Variants in ITGA2 observed in about 807,000 individuals in gnomAD.
ITGA2 encodes integrin subunit alpha 2.
Under a neutral mutation model 146.3 loss-of-function variants are expected in ITGA2, and 101 were observed. The observed-to-expected ratio is 0.69, with a 90% CI of 0.59 to 0.81. The LOEUF (loss-of-function observed/expected upper bound fraction) is 0.81. Among genes scored for constraint, ITGA2 ranks in the 40% least tolerant of loss-of-function variants. The pLI is 0.00. For missense variants in ITGA2, 1,281 were observed against 1,402.7 expected, an observed-to-expected ratio of 0.91 and a Z score of 1.39; for synonymous variants, 477 against 487.1, an observed-to-expected ratio of 0.98 and a Z score of 0.27.
intron 25 of ITGA2, 112 bp downstream of exon 25, chr5:53,080,733 A>G (rs1745882893): frequency 3.7e-6 from 3 of 801,430 alleles, no homozygotes; most frequent in South Asian, 1.4e-5. Flanking sequence ...GGTAACTCCT[A>G]TGCAGCCTGG....
chr5:53,027,364 T>G (rs1035996136), intron 2 of ITGA2, among the ~76,000 whole-genome samples: 11 of 152,180 alleles, frequency 7.2e-5, no homozygotes, highest in Non-Finnish European at 1.5e-4. Context: ...CTCACAAATA[T>G]CAATGCAAAA....
chr5:53,072,502 C>T, intron 18 of ITGA2, 111 bp from the exon 19 acceptor site: 1 of 734,248 alleles, frequency 1.4e-6, no homozygotes, highest in Non-Finnish European at 2.4e-6. Context: ...ATTCCTAGAA[C>T]ATTGTTTGGT....
rs139704993 is a variant in ITGA2 at position 53,064,828 on chromosome 5, A to T, written c.1603-84A>T. 12,750 of 1,324,492 alleles carry T rather than the reference A, an allele frequency of 9.6e-3. 105 individuals are homozygous for T. The highest frequency in any genetic ancestry group is 0.03 in the East Asian group (1,301 of 43,296). 82.0% of individuals were successfully genotyped at this position (1,324,492 alleles called of 1,614,324 possible). On this transcript the variant is annotated intron_variant, in intron 13 of 29. Coordinates refer to ENST00000296585, the MANE Select transcript of ITGA2 (RefSeq NM_002203.4). ...TGGAGTCTTTGGGATTACAGGCATG[A>T]GCCACCACACCCAGCTGCTCTGAAT...
intron 3 of ITGA2, among the ~76,000 whole-genome samples, chr5:53,044,272 C>G (rs535630877): frequency 7.4e-5 from 2 of 26,946 alleles, no homozygotes; most frequent in East Asian, 1.2e-3. Flanking sequence ...GAGACTCTGT[C>G]TCAAAAAAAA....
chr5:53,041,609 C>CT (rs1465711108), intron 2 of ITGA2, among the ~76,000 whole-genome samples: 1 of 152,126 alleles, frequency 6.6e-6, no homozygotes, highest in Non-Finnish European at 1.5e-5. Context: ...CATGTGACTA[C>CT]TGAGCACTTG....
At chr5:53,045,146 A>G (rs1033899327) in intron 4 of ITGA2, 54 bp downstream of exon 4, 3 of 1,322,642 alleles carry the variant, frequency 2.3e-6, no homozygotes, top group Non-Finnish European at 3.3e-6. Context: ...CATAGACAGT[A>G]GTGTCTTCTC....
chr5:52,993,380 T>G (rs572957746), intron 1 of ITGA2, among the ~76,000 whole-genome samples: 3 of 152,324 alleles, frequency 2.0e-5, no homozygotes, highest in African/African-American at 7.2e-5. Flanking sequence ...GGATTCAGTA[T>G]TTACAATGGC....
intron 1 of ITGA2, among the ~76,000 whole-genome samples, chr5:53,013,234 T>C (rs1742230776): frequency 6.6e-6 from 1 of 152,178 alleles, no homozygotes; most frequent in Admixed American, 6.6e-5. Flanking sequence ...TTTCAGGTTT[T>C]GCATTTAAGT....
Position 53,065,980 on chromosome 5 carries a change from G to A in ITGA2, c.1943+3G>A. On this transcript the variant is annotated splice_donor_region_variant and intron_variant, in intron 15 of 29. Coordinates refer to ENST00000296585, the MANE Select transcript of ITGA2 (RefSeq NM_002203.4). Reference sequence around the variant, plus strand: ...TTTGGACAAGTGGTTCAACTCTGGTGAGTCAGGAAGAGCCAGACACAAACT... The same window carrying A: ...TTTGGACAAGTGGTTCAACTCTGGTAAGTCAGGAAGAGCCAGACACAAACT... The A allele has an allele frequency of 6.2e-7, 1 of 1,611,636 alleles. No homozygotes were observed.
At chr5:53,069,226 A>T (rs974445605) in intron 16 of ITGA2, among the ~76,000 whole-genome samples, 1 of 151,918 alleles carries the variant, frequency 6.6e-6, no homozygotes, top group Non-Finnish European at 1.5e-5. Flanking sequence ...ACACACGGCC[A>T]GTGGACTTTA....
chr5:53,020,705 G>A (rs1742634688), intron 1 of ITGA2, among the ~76,000 whole-genome samples: 1 of 150,428 alleles, frequency 6.6e-6, no homozygotes, highest in Non-Finnish European at 1.5e-5. Flanking sequence ...TTGGTGAGGT[G>A]GAGTTTCACT....
chr5:53,064,888 A>G, intron 13 of ITGA2, 24 bp from the exon 14 acceptor site: 1 of 1,607,498 alleles, frequency 6.2e-7, no homozygotes, highest in Non-Finnish European at 8.5e-7. Flanking sequence ...TGCTTTAATC[A>G]TCCTTTTGTT....
chr5:53,070,912 T>A (rs1745361887), intron 17 of ITGA2, among the ~76,000 whole-genome samples: 1 of 151,940 alleles, frequency 6.6e-6, no homozygotes, highest in Non-Finnish European at 1.5e-5. Flanking sequence ...GATATTTAAG[T>A]ACTTTCTTAG....
intron 1 of ITGA2, among the ~76,000 whole-genome samples, chr5:53,018,790 C>T (rs948855113): frequency 3.9e-5 from 6 of 152,214 alleles, no homozygotes; most frequent in East Asian, 1.9e-4. Flanking sequence ...AGGCTGGGCA[C>T]GGTGGCTCAC....
chr5:53,042,194 G>A lies in ITGA2; in HGVS notation c.268G>A (p.Ala90Thr), dbSNP rs200476815. Residue 90 changes from alanine (A) to threonine (T), a missense_variant, in exon 3 of 30, where the codon GCC (alanine) becomes ACC (threonine). Ala to Thr is a moderately conservative substitution (Grantham distance 58, BLOSUM62 0). Around this residue, in one of 3 missense-constraint regions of ITGA2, gnomAD observed 795 missense variants for 841.7 expected, o/e 0.94. Coordinates refer to ENST00000296585, the MANE Select transcript of ITGA2 (RefSeq NM_002203.4). The stretch of plus-strand genomic sequence containing the variant: ...TAAATGTCCTGTTGACCTATCCACT[G>A]CCACATGTGAAAAACTAAATTTGCA... ...VYKCPVDLST[A>T]TCEKLNLQTS... The A allele has an allele frequency of 9.1e-4, 1,475 of 1,612,270 alleles. 15 individuals are homozygous for A. In the South Asian group the frequency reaches 0.015, roughly 17 times the overall value.
chr5:53,053,184 C>T (rs555780061), intron 7 of ITGA2, among the ~76,000 whole-genome samples: 1 of 152,274 alleles, frequency 6.6e-6, no homozygotes, highest in African/African-American at 2.4e-5. Flanking sequence ...TTCTGCATTT[C>T]CCATTTTATC....
At chr5:53,017,485 TTG>T (rs1214727065) in intron 1 of ITGA2, among the ~76,000 whole-genome samples, 2 of 152,244 alleles carry the variant, frequency 1.3e-5, no homozygotes, top group Non-Finnish European at 2.9e-5. Flanking sequence ...ATGCTCTATA[TTG>T]TCCACAACAC....
At chr5:53,001,813 T>TAAAA (rs34186143) in intron 1 of ITGA2, among the ~76,000 whole-genome samples, 1 of 110,296 alleles carries the variant, frequency 9.1e-6, no homozygotes. Context: ...AGGCCCTTTC[T>TAAAA]AAAAAAAAAA....
intron 13 of ITGA2, 61 bp downstream of exon 13, chr5:53,062,990 A>G: frequency 7.4e-7 from 1 of 1,347,644 alleles, no homozygotes; most frequent in South Asian, 1.3e-5. Flanking sequence ...TTTAACTTGC[A>G]TTTGGAAAGA....
Sources: gnomAD v4.1 joint callset for allele counts (sites outside exome capture counted in the v4.1 genomes callset) on GRCh38, gnomAD v4.1.1 for gene constraint, gnomAD v4.1.1 regional missense constraint, MANE v1.5 for transcripts, NCBI Gene and HGNC (gene_info 2026-07-23, HGNC 2026-07-21) for gene names.